CNTNAP5: variants seen among roughly 807,000 people sequenced by gnomAD.
CNTNAP5 encodes contactin-associated protein-like 5.
CNTNAP5 carries 72 observed loss-of-function variants against 150.2 expected under a neutral mutation model. That is an observed-to-expected ratio of 0.48 (90% CI 0.40 to 0.58). The LOEUF is 0.58. Ranked by LOEUF, CNTNAP5 falls within the 20% of genes least tolerant of loss-of-function variation. The pLI is 0.00. For missense variants in CNTNAP5, 1,636 were observed against 1,626.2 expected (o/e 1.01, Z -0.10); for synonymous variants, 672 against 619.8 (o/e 1.08, Z -1.25).
At chr2:124,656,277 C>T (rs1466017439) in intron 13 of CNTNAP5, among the ~76,000 whole-genome samples, 5 of 152,140 alleles carry the variant, frequency 3.3e-5, no homozygotes, top group Admixed American at 6.5e-5. Flanking sequence ...AAAGTCTAGG[C>T]CCTTAGACTC....
chr2:124,122,873 A>G (rs1288405015), intron 1 of CNTNAP5, among the ~76,000 whole-genome samples: 1 of 151,824 alleles, frequency 6.6e-6, no homozygotes, highest in Admixed American at 6.6e-5. Flanking sequence ...GTGCCCCTTC[A>G]AGGTCTAGTG....
chr2:124,169,392 T>C (rs541729537), intron 1 of CNTNAP5, among the ~76,000 whole-genome samples: 7 of 151,950 alleles, frequency 4.6e-5, no homozygotes, highest in Non-Finnish European at 1.0e-4. Context: ...ATTTTGAGGA[T>C]GATGAAGAAA....
chr2:124,607,634 G>A (rs149076195), intron 11 of CNTNAP5, among the ~76,000 whole-genome samples: 4 of 152,254 alleles, frequency 2.6e-5, no homozygotes, highest in Non-Finnish European at 2.9e-5. Context: ...GCTTGTCCAC[G>A]CTTCCACAGG....
At chr2:124,619,218 T>C (rs1423282774) in intron 12 of CNTNAP5, among the ~76,000 whole-genome samples, 5 of 151,960 alleles carry the variant, frequency 3.3e-5, no homozygotes, top group Non-Finnish European at 4.4e-5. Flanking sequence ...GAAAGATGCA[T>C]TTGAGACAAC....
At chr2:124,064,844 A>T (rs1285111199) in intron 1 of CNTNAP5, among the ~76,000 whole-genome samples, 2 of 151,990 alleles carry the variant, frequency 1.3e-5, no homozygotes, top group Non-Finnish European at 2.9e-5. Context: ...CCATTTTCTC[A>T]TGTCAGTCTG....
rs368042731 is a variant in CNTNAP5 at position 124,520,005 on chromosome 2, T to C, written c.1328-4298T>C. Among the ~76,000 whole-genome samples the C allele has an allele frequency of 3.3e-5, 5 of 152,292 alleles. No individual in the cohort carries two copies. The East Asian group carries it at 7.7e-4, about 23-fold the overall frequency. ...ACAGTTTATCAGGTTTTTTTAAGAT[T>C]ATAAAAAATGTACATTAAAAAACAC... On this transcript the variant is annotated intron_variant, in intron 8 of 23. Coordinates refer to ENST00000682447, the MANE Select transcript of CNTNAP5 (RefSeq NM_001367498.1).
intron 8 of CNTNAP5, among the ~76,000 whole-genome samples, chr2:124,523,458 T>G (rs1026806328): frequency 6.6e-6 from 1 of 152,196 alleles, no homozygotes; most frequent in Non-Finnish European, 1.5e-5. Flanking sequence ...TCTTAATAGA[T>G]GATAAACTCT....
At chr2:124,108,496 T>C (rs994703870) in intron 1 of CNTNAP5, among the ~76,000 whole-genome samples, 14 of 152,114 alleles carry the variant, frequency 9.2e-5, no homozygotes, top group East Asian at 3.9e-4. Flanking sequence ...TCTCAGGCCA[T>C]CTCTCTGTCT....
At chr2:124,582,891 T>C (rs2104950663) in intron 11 of CNTNAP5, among the ~76,000 whole-genome samples, 1 of 152,342 alleles carries the variant, frequency 6.6e-6, no homozygotes, top group South Asian at 2.1e-4. Context: ...TATATGATGA[T>C]TTTGTTTAAA....
chr2:124,508,425 G>A (rs1034363852), intron 8 of CNTNAP5, among the ~76,000 whole-genome samples: 11 of 152,288 alleles, frequency 7.2e-5, no homozygotes, highest in African/African-American at 2.2e-4. Flanking sequence ...TTTCTCTATC[G>A]GTGAGATGTT....
rs1478242887 is a variant in CNTNAP5, at chr2:124,723,193, A to C, written c.2078-24036A>C. 2.0e-5 allele frequency among the ~76,000 whole-genome samples: 3 copies of C among 152,342 alleles called. No individual in the cohort carries two copies. The East Asian group carries it at 5.8e-4, about 29-fold the overall frequency. ...ACATTTTTCTATAAACAGTCAAAAA[A>C]TCTAGGCCATAGCTTTGACAGTTTG... On this transcript the variant is annotated intron_variant, in intron 13 of 23. Coordinates refer to ENST00000682447, the MANE Select transcript of CNTNAP5 (RefSeq NM_001367498.1).
At chr2:124,060,178 G>A (rs17010799) in intron 1 of CNTNAP5, among the ~76,000 whole-genome samples, 14,925 of 152,128 alleles carry the variant, frequency 0.098, 1,026 homozygotes, top group African/African-American at 0.19. Flanking sequence ...TCCACAGAGC[G>A]TAAAGTGGAA....
At chr2:124,185,542 C>T (rs1485664131) in intron 1 of CNTNAP5, among the ~76,000 whole-genome samples, 1 of 152,152 alleles carries the variant, frequency 6.6e-6, no homozygotes, top group African/African-American at 2.4e-5. Context: ...CCCTGTCAAA[C>T]CATACAGAGG....
chr2:124,322,465 C>T (rs950520631), intron 3 of CNTNAP5, among the ~76,000 whole-genome samples: 8 of 152,016 alleles, frequency 5.3e-5, no homozygotes, highest in African/African-American at 1.7e-4. Context: ...AATTTTACTA[C>T]AGTCAAATAC....
At chr2:124,571,196 C>T (rs1344342597) in intron 11 of CNTNAP5, among the ~76,000 whole-genome samples, 1 of 152,046 alleles carries the variant, frequency 6.6e-6, no homozygotes, top group Non-Finnish European at 1.5e-5. Context: ...ACAGTATTTG[C>T]CTGGAAAGTT....
At chr2:124,694,741 G>A (rs1389744059) in intron 13 of CNTNAP5, among the ~76,000 whole-genome samples, 5 of 152,048 alleles carry the variant, frequency 3.3e-5, no homozygotes, top group Admixed American at 6.6e-5. Flanking sequence ...TTCCACATGG[G>A]CATTTTATTC....
At chr2:124,609,974 G>A in intron 12 of CNTNAP5, 54 bp downstream of exon 12, 2 of 1,551,202 alleles carry the variant, frequency 1.3e-6, no homozygotes, top group Admixed American at 1.8e-5. Context: ...ATGGAAGGAA[G>A]CAAAAATAAA....
intron 1 of CNTNAP5, among the ~76,000 whole-genome samples, chr2:124,045,808 A>G (rs992542353): frequency 1.3e-5 from 2 of 152,164 alleles, no homozygotes; most frequent in Non-Finnish European, 2.9e-5. Context: ...CAGAAAGGCC[A>G]TTCCTCCACT....
intron 1 of CNTNAP5, among the ~76,000 whole-genome samples, chr2:124,216,473 T>A (rs1274779732): frequency 3.3e-5 from 5 of 152,150 alleles, no homozygotes; most frequent in Non-Finnish European, 7.3e-5. Context: ...TGTGCCATGT[T>A]GGTGTGCTGC....
Sources: gnomAD v4.1 joint callset for allele counts (sites outside exome capture counted in the v4.1 genomes callset) on GRCh38, gnomAD v4.1.1 for gene constraint, MANE v1.5 for transcripts, NCBI Gene and HGNC (gene_info 2026-07-23, HGNC 2026-07-21) for gene names.